ZSWIM4: variants seen among roughly 807,000 people sequenced by gnomAD.
ZSWIM4 encodes the protein zinc finger SWIM-type containing 4.
Under a neutral mutation model 102.5 loss-of-function variants are expected in ZSWIM4, and 62 were observed. That is an observed-to-expected ratio of 0.60 (90% confidence interval 0.49 to 0.75). The LOEUF is 0.75. ZSWIM4 is among the 30% of genes least tolerant of loss of function. ZSWIM4 has a pLI of 0.00. For missense variants in ZSWIM4, 1,280 were observed against 1,529.6 expected (o/e 0.84, Z 2.72); for synonymous variants, 652 against 674.5 (o/e 0.97, Z 0.52).
chr19:13,823,428 C>G lies in ZSWIM4; in HGVS notation c.2143C>G (p.Arg715Gly), dbSNP rs767121708. Residue 715 changes from arginine (R) to glycine (G), a missense_variant, in exon 11 of 14, where the codon CGC (arginine) becomes GGC (glycine). By Grantham distance (125) the Arg-to-Gly change is moderately radical. Coordinates refer to ENST00000590508, the MANE Select transcript of ZSWIM4 (RefSeq NM_001367834.3). ...LDSIMSNRFPRWFILGHLETR... is the reference protein window; with the variant it reads ...LDSIMSNRFPGWFILGHLETR... ...CTCCATCATGAGCAACCGCTTCCCC[C>G]GCTGGTTCATCCTTGGCCACCTGGA... 6.2e-7 allele frequency: 1 copy of G among 1,605,474 alleles called. No individual in the cohort carries two copies. Among genetic ancestry groups the G allele is most frequent in the Non-Finnish European group, 8.5e-7 (1 of 1,175,576 alleles).
chr19:13,817,882 C>T lies in ZSWIM4; in HGVS notation c.1830C>T (p.Arg610=). ...EGLYAQDKVV[R]NEEQLLALLE... ...TGTACGCCCAGGACAAGGTGGTGCG[C>T]AACGAGGAGCAGCTGCTGGCCCTGC... Residue 610 remains arginine, a synonymous_variant, in exon 9 of 14, where the codon CGC becomes CGT. Transcript: ENST00000590508. 4 of 1,551,216 alleles carry T rather than the reference C, an allele frequency of 2.6e-6. No individual in the cohort carries two copies. Among genetic ancestry groups the T allele is most frequent in the Non-Finnish European group, 3.5e-6 (4 of 1,146,916 alleles).
intron 2 of ZSWIM4, among the ~76,000 whole-genome samples, chr19:13,801,076 G>A (rs1262607020): frequency 2.0e-5 from 3 of 151,730 alleles, no homozygotes; most frequent in Non-Finnish European, 2.9e-5. Flanking sequence ...CCGAGAGGTC[G>A]AGCCTGCAGT....
chr19:13,807,673 A>G (rs981115056), intron 3 of ZSWIM4, among the ~76,000 whole-genome samples: 2 of 150,344 alleles, frequency 1.3e-5, no homozygotes, highest in Admixed American at 6.7e-5. Context: ...TGGATAAATG[A>G]GCAAATGGAT....
At chr19:13,821,247 G>A (rs988904466) in intron 10 of ZSWIM4, among the ~76,000 whole-genome samples, 5 of 147,042 alleles carry the variant, frequency 3.4e-5, no homozygotes, top group Non-Finnish European at 7.4e-5. Flanking sequence ...TCGCACCACT[G>A]CACTCCAGCC....
chr19:13,808,740 CAAAAAAAAAAAAA>C (rs755959483), intron 3 of ZSWIM4, 83 bp from the exon 4 acceptor site: 1 of 700,112 alleles, frequency 1.4e-6, no homozygotes, highest in Non-Finnish European at 1.9e-6. Flanking sequence ...ACTCCGTCTC[CAAAAAAAAAAAAA>C]AAAAAAAAGG....
rs1975597207 is a variant in ZSWIM4, at chr19:13,825,888, G to T, written c.2379+175G>T. Among the ~76,000 whole-genome samples the T allele has an allele frequency of 6.6e-6, 1 of 152,234 alleles. No homozygotes were observed. The highest frequency in any genetic ancestry group is 2.4e-5 in the African/African-American group (1 of 41,458). On this transcript the variant is annotated intron_variant, in intron 12 of 13. Coordinates refer to ENST00000590508, the MANE Select transcript of ZSWIM4 (RefSeq NM_001367834.3). This position sits in a 1 kb window ranked among gnomAD's most constrained non-coding sequence, Gnocchi z 4.6. ...GAGCGAGAACCACTCTTGGGGCGGGGACTGTGAGTGAGACACACCTCTGGG... is the reference window on the plus strand; with the variant it reads ...GAGCGAGAACCACTCTTGGGGCGGGTACTGTGAGTGAGACACACCTCTGGG...
rs1161809463 is a variant in ZSWIM4 at position 13,795,448 on chromosome 19, T to A, written c.-201T>A. On this transcript the variant is annotated 5_prime_UTR_variant, in exon 1 of 14. Transcript: ENST00000590508. ...GCGGCGGCTGAAGCAGCTTCATTGT[T>A]GTGAAGAGTCTTAAAGGGGCCGCAT... 5.2e-6 allele frequency: 1 copy of A among 193,738 alleles called. No homozygotes were observed. Among genetic ancestry groups the A allele is most frequent in the Non-Finnish European group, 1.0e-5 (1 of 96,618 alleles). 12.0% of individuals were successfully genotyped at this position (193,738 alleles called of 1,614,324 possible).
chr19:13,830,715 C>CTGTA lies in ZSWIM4; in HGVS notation c.2989_2990insATGT (p.Ser997TyrfsTer170), dbSNP rs1433606510. ...TCGCAGCATCCACTGTGCCCCAATG[C>CTGTA]TGTCCGATATTCTGCGCCGCTGGAC... is the stretch of plus-strand genomic sequence containing the variant. On this transcript the variant is annotated frameshift_variant, in exon 14 of 14. Transcript: ENST00000590508. LOFTEE classifies it high-confidence loss of function. 6.2e-7 allele frequency: 1 copy of CTGTA among 1,608,142 alleles called. No individual in the cohort carries two copies.
rs1975777715 is a variant in ZSWIM4, at chr19:13,831,891, CTG to C, written c.*843_*844del. 1 of 151,710 alleles carries C rather than the reference CTG, an allele frequency of 6.6e-6. No homozygotes were observed. Among genetic ancestry groups the C allele is most frequent in the Non-Finnish European group, 1.5e-5 (1 of 68,010 alleles). 9.4% of individuals were successfully genotyped at this position (151,710 alleles called of 1,614,324 possible). A position where few individuals can be genotyped will look rare whatever the true frequency, so the allele number is the denominator to read the frequency against. On this transcript the variant is annotated 3_prime_UTR_variant, in exon 14 of 14. Transcript: ENST00000590508. ...TTCTGCTTCGCCCCTTCATCTTACTCTGTTTCCATTTTTCCCGGCACTTACCT... is the reference window on the plus strand; with the variant it reads ...TTCTGCTTCGCCCCTTCATCTTACTCTTTCCATTTTTCCCGGCACTTACCT...
In ZSWIM4 at chr19:13,817,240, G is replaced by C; in HGVS notation, c.1556G>C (p.Cys519Ser). The change falls in exon 8 of 14, where the codon TGC (cysteine) becomes TCC (serine). Residue 519 changes from cysteine (C) to serine (S), a missense_variant. By Grantham distance (112) the Cys-to-Ser change is moderately radical. Coordinates refer to ENST00000590508, the MANE Select transcript of ZSWIM4 (RefSeq NM_001367834.3). ...KKELLQKGST[C>S]ITNTEGWVGH... is the part of the protein sequence containing the mutation. Reference sequence around the variant, plus strand: ...GAGCTGCTCCAGAAGGGCTCCACCTGCATCACCAACACCGAAGGATGGGTG... The same window carrying C: ...GAGCTGCTCCAGAAGGGCTCCACCTCCATCACCAACACCGAAGGATGGGTG... The C allele has an allele frequency of 6.2e-7, 1 of 1,613,632 alleles. No individual in the cohort carries two copies. The highest frequency in any genetic ancestry group is 8.5e-7 in the Non-Finnish European group (1 of 1,179,668).
At chr19:13,805,238 A>C in intron 3 of ZSWIM4, 90 bp downstream of exon 3, 1 of 1,238,268 alleles carries the variant, frequency 8.1e-7, no homozygotes, top group Non-Finnish European at 1.1e-6. Context: ...TCACTTACTG[A>C]CAGAAAGTTG....
intron 2 of ZSWIM4, among the ~76,000 whole-genome samples, chr19:13,804,471 A>G (rs1974858309): frequency 6.6e-6 from 1 of 151,326 alleles, no homozygotes; most frequent in African/African-American, 2.4e-5. Context: ...CTCTGTCCCA[A>G]ATAAATAAAT....
In ZSWIM4 at chr19:13,799,820, T is replaced by G; in HGVS notation, c.254T>G (p.Leu85Arg). 2 of 1,614,004 alleles carry G rather than the reference T, an allele frequency of 1.2e-6. No homozygotes were observed. Among genetic ancestry groups the G allele is most frequent in the African/African-American group, 1.3e-5 (1 of 75,052 alleles). ...SEREICMYSS[L>R]GYPPPEGEHD... ...CGGGAAATATGTATGTACTCGTCGC[T>G]GGGTTACCCGCCCCCAGAGGGCGAG... The change falls in exon 2 of 14, where the codon CTG (leucine) becomes CGG (arginine). Residue 85 changes from leucine (L) to arginine (R), a missense_variant. Leu to Arg is a moderately radical substitution (Grantham distance 102, BLOSUM62 -2). Coordinates refer to ENST00000590508, the MANE Select transcript of ZSWIM4 (RefSeq NM_001367834.3).
At chr19:13,822,991 A>G (rs568940995) in intron 10 of ZSWIM4, among the ~76,000 whole-genome samples, 1 of 152,042 alleles carries the variant, frequency 6.6e-6, no homozygotes, top group South Asian at 2.1e-4. Flanking sequence ...AAAAAAAAAA[A>G]AAGAAAGAAA....
rs1257158339 is a variant in ZSWIM4, at chr19:13,831,378, G to A, written c.*328G>A. The A allele has an allele frequency of 2.7e-5, 7 of 257,542 alleles. No homozygotes were observed. The South Asian group carries it at 7.3e-4, about 27-fold the overall frequency. 16.0% of individuals were successfully genotyped at this position (257,542 alleles called of 1,614,324 possible). ...AGACTGGCTTGGGCTCCAGGAGGGAGGCTGGGAGGCAGGACTTTCCAGAAA... is the reference window on the plus strand; with the variant it reads ...AGACTGGCTTGGGCTCCAGGAGGGAAGCTGGGAGGCAGGACTTTCCAGAAA... On this transcript the variant is annotated 3_prime_UTR_variant, in exon 14 of 14. Transcript: ENST00000590508.
rs144585247 is a variant in ZSWIM4 at position 13,809,867 on chromosome 19, C to T, written c.1012+647C>T. Among the ~76,000 whole-genome samples the T allele has an allele frequency of 4.3e-4, 66 of 152,270 alleles. No individual in the cohort carries two copies. The East Asian group carries it at 0.011, about 25-fold the overall frequency. On this transcript the variant is annotated intron_variant, in intron 5 of 13. Transcript: ENST00000590508. The surrounding 1 kb of genome is among the most constrained non-coding windows in gnomAD (Gnocchi z 4.2). ...AGTACAGTGGCACAGTCACGGCTCA[C>T]TGTAACTTCAAACTCTTGGGCTCAA...
In ZSWIM4 at chr19:13,814,630, C is replaced by T; in HGVS notation, c.1296C>T (p.Ala432=). Residue 432 remains alanine (A), a synonymous_variant, in exon 7 of 14, where the codon GCC becomes GCT. Transcript: ENST00000590508. ...ACGCCTACCTGCAGAGGATCCTGGC[C>T]AGTGACTCCTACGGGCCCAGCCTCA... ...WNDAYLQRIL[A]SDSYGPSLTG... is the part of the protein sequence containing the mutation. 2 of 1,257,186 alleles carry T rather than the reference C, an allele frequency of 1.6e-6. No homozygotes were observed. Among genetic ancestry groups the T allele is most frequent in the Non-Finnish European group, 2.1e-6 (2 of 966,410 alleles). 77.9% of individuals were successfully genotyped at this position (1,257,186 alleles called of 1,614,324 possible).
intron 12 of ZSWIM4, among the ~76,000 whole-genome samples, chr19:13,828,187 T>C (rs1371176531): frequency 6.6e-6 from 1 of 152,072 alleles, no homozygotes; most frequent in African/African-American, 2.4e-5. Context: ...GGCGGGCGGA[T>C]CACTTGAGGT....
intron 2 of ZSWIM4, among the ~76,000 whole-genome samples, chr19:13,804,363 G>C (rs539804720): frequency 6.6e-6 from 1 of 152,004 alleles, no homozygotes; most frequent in South Asian, 2.1e-4. Context: ...CCAGCTACTC[G>C]GGAAGCTGAG....
Sources: gnomAD v4.1 joint callset for allele counts (sites outside exome capture counted in the v4.1 genomes callset) on GRCh38, gnomAD v4.1.1 for gene constraint, Gnocchi (gnomAD v3.1) non-coding constraint, MANE v1.5 for transcripts, NCBI Gene and HGNC (gene_info 2026-07-23, HGNC 2026-07-21) for gene names.